SNTG1: variants seen among roughly 807,000 people sequenced by gnomAD.
SNTG1 encodes syntrophin gamma 1, also known as gamma-1-syntrophin.
SNTG1 carries 39 observed loss-of-function variants against 74.7 expected under a neutral mutation model. The ratio of observed to expected loss-of-function variants is 0.52; its 90% CI spans 0.40 to 0.68. The LOEUF (loss-of-function observed/expected upper bound fraction) is 0.68. Ranked by LOEUF, SNTG1 falls within the 30% of genes least tolerant of loss-of-function variation. The probability of loss-of-function intolerance (pLI) is 0.00; values close to 1 mark genes in which losing one functional copy is unlikely to be tolerated. For synonymous variants in SNTG1, 254 were observed against 217.1 expected, an observed-to-expected ratio of 1.17 and a Z score of -1.49; for missense variants, 685 against 609.5, an observed-to-expected ratio of 1.12 and a Z score of -1.30.
At chr8:50,705,325 GT>G (rs921701059) in intron 16 of SNTG1, among the ~76,000 whole-genome samples, 2 of 151,840 alleles carry the variant, frequency 1.3e-5, no homozygotes, top group Non-Finnish European at 2.9e-5. Flanking sequence ...TACTTTTCTG[GT>G]TTTTTTACAG....
At chr8:50,244,035 A>G (rs78332609) in intron 2 of SNTG1, among the ~76,000 whole-genome samples, 2,644 of 152,210 alleles carry the variant, frequency 0.017, 68 homozygotes, top group African/African-American at 0.051. Flanking sequence ...CTGGTTCTTC[A>G]GGCTATATGA....
Position 50,237,992 on chromosome 8 carries a change from C to A in SNTG1, c.-28+65357C>A, listed in dbSNP as rs189784695. Among the ~76,000 whole-genome samples the A allele has an allele frequency of 1.5e-3, 224 of 152,186 alleles. 2 individuals carry two copies. The highest frequency in any genetic ancestry group is 4.6e-3 in the African/African-American group (190 of 41,534). ...TTTTTGTTTTTAAGATAAGACACAT[C>A]ATGAGATCATATCCTGATTAAAATT... On this transcript the variant is annotated intron_variant, in intron 2 of 18. Transcript: ENST00000642720.
At chr8:50,750,434 G>T (rs921378673) in intron 17 of SNTG1, among the ~76,000 whole-genome samples, 1 of 152,008 alleles carries the variant, frequency 6.6e-6, no homozygotes, top group African/African-American at 2.4e-5. Flanking sequence ...ACAGCAGCAG[G>T]ATTTGAGTGA....
intron 2 of SNTG1, among the ~76,000 whole-genome samples, chr8:50,384,465 C>T (rs1253734488): frequency 1.3e-5 from 2 of 152,004 alleles, no homozygotes; most frequent in Non-Finnish European, 2.9e-5. Flanking sequence ...TTTCAATAAG[C>T]ACAACATGCT....
At chr8:50,043,638 A>G (rs1477397975) in intron 1 of SNTG1, among the ~76,000 whole-genome samples, 1 of 152,118 alleles carries the variant, frequency 6.6e-6, no homozygotes, top group Non-Finnish European at 1.5e-5. Flanking sequence ...CAGATGTTTG[A>G]CTCGCACCCA....
chr8:50,728,853 T>C (rs888995975), intron 17 of SNTG1, among the ~76,000 whole-genome samples: 2 of 152,184 alleles, frequency 1.3e-5, no homozygotes, highest in African/African-American at 4.8e-5. Context: ...CCTCTGTCCA[T>C]GAATCACCCA....
At chr8:50,660,926 T>A (rs753647909) in intron 15 of SNTG1, among the ~76,000 whole-genome samples, 17 of 152,170 alleles carry the variant, frequency 1.1e-4, no homozygotes, top group South Asian at 4.1e-4. Flanking sequence ...ACAGTTAATG[T>A]TCCTTAAAAA....
At chr8:50,458,824 C>A (rs577642582) in intron 8 of SNTG1, among the ~76,000 whole-genome samples, 2 of 152,224 alleles carry the variant, frequency 1.3e-5, no homozygotes, top group Admixed American at 1.3e-4. Flanking sequence ...GGCCACAAGT[C>A]AGATATACAA....
chr8:50,291,853 C>T (rs1439449095), intron 2 of SNTG1, among the ~76,000 whole-genome samples: 7 of 151,952 alleles, frequency 4.6e-5, no homozygotes, highest in Non-Finnish European at 8.8e-5. Flanking sequence ...CAGAAAAGAC[C>T]GGACATGTTG....
chr8:50,083,499 G>A (rs928093832), intron 1 of SNTG1, among the ~76,000 whole-genome samples: 17 of 152,158 alleles, frequency 1.1e-4, no homozygotes, highest in Admixed American at 9.8e-4. Flanking sequence ...AGGGCTTCTA[G>A]TAAAACAGAA....
chr8:49,934,290 T>G (rs868429205), intron 1 of SNTG1, among the ~76,000 whole-genome samples: 2 of 125,398 alleles, frequency 1.6e-5, no homozygotes, highest in Admixed American at 7.9e-5. Context: ...GATCTATCTA[T>G]CTATCTATCT....
At chr8:50,297,651 T>C (rs2089449315) in intron 2 of SNTG1, among the ~76,000 whole-genome samples, 1 of 152,078 alleles carries the variant, frequency 6.6e-6, no homozygotes, top group African/African-American at 2.4e-5. Context: ...AAAAGGAGTG[T>C]TCACATCCTG....
intron 1 of SNTG1, among the ~76,000 whole-genome samples, chr8:50,027,547 C>A (rs987957921): frequency 5.3e-5 from 8 of 152,290 alleles, no homozygotes; most frequent in African/African-American, 1.9e-4. Context: ...CATATGACGA[C>A]AGAGGCAGAA....
At chr8:50,087,060 A>C (rs1435502218) in intron 1 of SNTG1, among the ~76,000 whole-genome samples, 1 of 152,166 alleles carries the variant, frequency 6.6e-6, no homozygotes, top group Non-Finnish European at 1.5e-5. Flanking sequence ...GATTAAGAGT[A>C]CCTTCAGCTT....
intron 1 of SNTG1, among the ~76,000 whole-genome samples, chr8:49,998,414 T>C (rs991198055): frequency 1.3e-5 from 2 of 152,160 alleles, no homozygotes; most frequent in Admixed American, 6.5e-5. Context: ...GCTGTAACTT[T>C]TTTACTTTAT....
chr8:50,693,465 A>T (rs1297270247), intron 15 of SNTG1, among the ~76,000 whole-genome samples: 1 of 152,212 alleles, frequency 6.6e-6, no homozygotes, highest in East Asian at 1.9e-4. Flanking sequence ...ACAGTAGGAC[A>T]CCTAAATATA....
intron 1 of SNTG1, among the ~76,000 whole-genome samples, chr8:50,103,964 A>G (rs1490843987): frequency 6.6e-6 from 1 of 152,192 alleles, no homozygotes; most frequent in Non-Finnish European, 1.5e-5. Context: ...TTGGTTTGCC[A>G]GTATTTTATT....
At chr8:50,075,334 C>T (rs899335171) in intron 1 of SNTG1, among the ~76,000 whole-genome samples, 1 of 152,196 alleles carries the variant, frequency 6.6e-6, no homozygotes, top group South Asian at 2.1e-4. Context: ...CGGGAGGAGA[C>T]TTGGAGAACT....
intron 1 of SNTG1, among the ~76,000 whole-genome samples, chr8:50,006,111 T>C (rs895062808): frequency 6.6e-6 from 1 of 151,496 alleles, no homozygotes; most frequent in Admixed American, 6.6e-5. Flanking sequence ...TACAGGTGCA[T>C]GCCACCATGC....
Sources: gnomAD v4.1 joint callset for allele counts (sites outside exome capture counted in the v4.1 genomes callset) on GRCh38, gnomAD v4.1.1 for gene constraint, MANE v1.5 for transcripts, NCBI Gene and HGNC (gene_info 2026-07-23, HGNC 2026-07-21) for gene names.